Variants in CCDC102B observed in about 807,000 individuals in gnomAD.
CCDC102B encodes the protein coiled-coil domain-containing protein 102B.
A neutral mutation model predicts 57.4 loss-of-function variants in CCDC102B; 75 were observed. That is an observed-to-expected ratio of 1.31 (90% CI 1.08 to 1.58). The LOEUF (loss-of-function observed/expected upper bound fraction) is 1.58. Among genes scored for constraint, CCDC102B ranks in the 40% most tolerant of loss-of-function variants. The pLI, the probability that CCDC102B is intolerant of heterozygous loss-of-function variation, is 0.00. For missense variants in CCDC102B, 636 were observed against 582.6 expected, an observed-to-expected ratio of 1.09 and a Z score of -0.94; for synonymous variants, 206 against 201.9, an observed-to-expected ratio of 1.02 and a Z score of -0.17.
At chr18:68,813,211 C>T (rs8098401) in intron 1 of CCDC102B, among the ~76,000 whole-genome samples, 26,587 of 152,060 alleles carry the variant, frequency 0.17, 2,665 homozygotes, top group East Asian at 0.35. Context: ...CTGTCTCTCT[C>T]CTGTTTCGCC....
At chr18:68,822,411 A>C (rs2036727750) in intron 1 of CCDC102B, among the ~76,000 whole-genome samples, 1 of 151,718 alleles carries the variant, frequency 6.6e-6, no homozygotes, top group Non-Finnish European at 1.5e-5. Context: ...GAAAAAAAAA[A>C]CACCTGAAAT....
chr18:68,790,707 C>A (rs1369480493), intron 2 of CCDC102B, among the ~76,000 whole-genome samples: 1 of 152,164 alleles, frequency 6.6e-6, no homozygotes, highest in Admixed American at 6.5e-5. Flanking sequence ...GTGCGCGCAC[C>A]CACTGACCTG....
chr18:68,938,210 A>G (rs973409499), intron 6 of CCDC102B, among the ~76,000 whole-genome samples: 3 of 152,118 alleles, frequency 2.0e-5, no homozygotes, highest in Non-Finnish European at 4.4e-5. Context: ...AATACAATCT[A>G]TGAAAAAAGT....
chr18:68,841,204 G>A (rs1350783903), intron 3 of CCDC102B, among the ~76,000 whole-genome samples: 21 of 152,214 alleles, frequency 1.4e-4, no homozygotes, highest in South Asian at 4.2e-4. Flanking sequence ...GGGTGGCTTC[G>A]ACTGAGATGT....
intron 2 of CCDC102B, among the ~76,000 whole-genome samples, chr18:68,750,148 A>C (rs181935282): frequency 1.3e-5 from 2 of 152,354 alleles, no homozygotes; most frequent in African/African-American, 4.8e-5. Context: ...TCTCAAAAGA[A>C]GACATTTGTG....
At chr18:68,911,559 T>C (rs992169765) in intron 6 of CCDC102B, among the ~76,000 whole-genome samples, 24 of 150,118 alleles carry the variant, frequency 1.6e-4, no homozygotes, top group Admixed American at 5.9e-4. Flanking sequence ...GAGACCATCC[T>C]GGCTAACACG....
intron 2 of CCDC102B, among the ~76,000 whole-genome samples, chr18:68,744,384 A>G (rs2033531281): frequency 1.3e-5 from 2 of 152,152 alleles, no homozygotes; most frequent in East Asian, 1.9e-4. Flanking sequence ...TACTCCTTTT[A>G]TAAGAGTTGG....
chr18:68,789,003 G>A (rs977157843), intron 2 of CCDC102B, among the ~76,000 whole-genome samples: 2 of 152,098 alleles, frequency 1.3e-5, no homozygotes, highest in Non-Finnish European at 2.9e-5. Flanking sequence ...CTTCCTTCAG[G>A]AGCTCTTTTA....
chr18:69,012,271 A>T (rs1378971437), intron 7 of CCDC102B, among the ~76,000 whole-genome samples: 1 of 152,128 alleles, frequency 6.6e-6, no homozygotes, highest in Non-Finnish European at 1.5e-5. Context: ...TATTTGTTGT[A>T]GGGGGTGGGC....
chr18:68,806,908 G>T (rs183027671), intron 1 of CCDC102B, among the ~76,000 whole-genome samples: 1 of 152,030 alleles, frequency 6.6e-6, no homozygotes, highest in Non-Finnish European at 1.5e-5. Flanking sequence ...CATTTCAAGC[G>T]TTCCCTAACT....
chr18:68,882,123 A>T (rs1489921292), intron 5 of CCDC102B, among the ~76,000 whole-genome samples: 1 of 152,220 alleles, frequency 6.6e-6, no homozygotes, highest in African/African-American at 2.4e-5. Context: ...GCCAATGATA[A>T]TTTGCATTGC....
At position 68,942,352 on chromosome 18, in the gene CCDC102B, C is replaced by A. The variant is rs551984027; in HGVS notation, c.1263+44924C>A. Among the ~76,000 whole-genome samples the A allele has an allele frequency of 3.8e-4, 58 of 152,094 alleles. No individual in the cohort carries two copies. In the South Asian group the frequency reaches 6.0e-3, roughly 16 times the overall value. On this transcript the variant is annotated intron_variant, in intron 6 of 7. Coordinates refer to ENST00000360242, the MANE Select transcript of CCDC102B (RefSeq NM_024781.3). ...ACTTGAGAAAAGAAAGAGACAGACACAAAGTATAGAGAAAGAAAAGCAGGC... is the reference window on the plus strand; with the variant it reads ...ACTTGAGAAAAGAAAGAGACAGACAAAAAGTATAGAGAAAGAAAAGCAGGC...
chr18:68,949,616 C>T (rs1426870550), intron 6 of CCDC102B, among the ~76,000 whole-genome samples: 1 of 152,002 alleles, frequency 6.6e-6, no homozygotes, highest in East Asian at 1.9e-4. Flanking sequence ...TTTCTTTCTG[C>T]CTCTGCTATA....
chr18:69,021,719 C>T (rs564437655), intron 7 of CCDC102B, among the ~76,000 whole-genome samples: 1 of 152,256 alleles, frequency 6.6e-6, no homozygotes, highest in South Asian at 2.1e-4. Context: ...TATTGTCTGA[C>T]ACCCCAACTG....
intron 6 of CCDC102B, among the ~76,000 whole-genome samples, chr18:68,942,697 T>C (rs1229780398): frequency 6.6e-6 from 1 of 152,034 alleles, no homozygotes; most frequent in East Asian, 1.9e-4. Flanking sequence ...GAATATACAA[T>C]CGGGTTTTAC....
At chr18:68,921,276 G>T (rs1030899990) in intron 6 of CCDC102B, among the ~76,000 whole-genome samples, 2 of 152,134 alleles carry the variant, frequency 1.3e-5, no homozygotes, top group Non-Finnish European at 2.9e-5. Flanking sequence ...AGTCTTTCCT[G>T]TGCTGTTCTT....
intron 3 of CCDC102B, among the ~76,000 whole-genome samples, 181 bp from the exon 4 acceptor site, chr18:68,846,132 A>G (rs964892259): frequency 2.6e-5 from 4 of 151,910 alleles, no homozygotes; most frequent in African/African-American, 9.7e-5. Context: ...TCAGAATAAT[A>G]AACTAAAATA....
At chr18:69,040,323 T>C (rs963872608) in intron 7 of CCDC102B, among the ~76,000 whole-genome samples, 1 of 151,946 alleles carries the variant, frequency 6.6e-6, no homozygotes, top group Non-Finnish European at 1.5e-5. Flanking sequence ...TGTATTTTTA[T>C]TTTTGAATCC....
intron 2 of CCDC102B, among the ~76,000 whole-genome samples, chr18:68,731,803 A>G (rs958990248): frequency 6.7e-6 from 1 of 149,344 alleles, no homozygotes; most frequent in South Asian, 2.2e-4. Context: ...TCAGACAGAC[A>G]ATAGTCTTGA....
Sources: gnomAD v4.1 joint callset for allele counts (sites outside exome capture counted in the v4.1 genomes callset) on GRCh38, gnomAD v4.1.1 for gene constraint, MANE v1.5 for transcripts, NCBI Gene and HGNC (gene_info 2026-07-23, HGNC 2026-07-21) for gene names.